The following OR6C75 variants were observed in gnomAD, a reference collection of about 807,000 sequenced individuals.
OR6C75 encodes the protein olfactory receptor family 6 subfamily C member 75.
For missense variants in OR6C75, 380 were observed against 368.0 expected (o/e 1.03, Z -0.27); for synonymous variants, 149 against 130.6 (o/e 1.14, Z -0.96).
chr12:55,364,847 T>C, intron 2 of OR6C75, 29 bp from the exon 3 acceptor site: 1 of 347,698 alleles, frequency 2.9e-6, no homozygotes, highest in South Asian at 5.9e-5. Context: ...CCTTTGAAGA[T>C]ATTGAATATA....
rs1869863648 is a variant in OR6C75, at chr12:55,368,908, A to G, written c.*2859A>G. The G allele has an allele frequency of 6.6e-6, 1 of 152,158 alleles. No individual in the cohort carries two copies. The highest frequency in any genetic ancestry group is 1.5e-5 in the Non-Finnish European group (1 of 68,014). 9.4% of individuals were successfully genotyped at this position (152,158 alleles called of 1,614,324 possible). A position where few individuals can be genotyped will look rare whatever the true frequency, so the allele number is the denominator to read the frequency against. ...CAGATTATAATATAATATCATCACA[A>G]AATGAAAATTACATGATAATGATTA... On this transcript the variant is annotated 3_prime_UTR_variant, in exon 3 of 3. Transcript: ENST00000641576.
In OR6C75 at chr12:55,366,152, A is replaced by G; in HGVS notation, c.*103A>G. ...TCTAAACACCTTATTTCACACTTTT[A>G]GTTAGACATAGTTACATATCATCAA... is the stretch of plus-strand genomic sequence containing the variant. On this transcript the variant is annotated 3_prime_UTR_variant, in exon 3 of 3. Transcript: ENST00000641576. 1 of 652,688 alleles carries G rather than the reference A, an allele frequency of 1.5e-6. No individual in the cohort carries two copies. The highest frequency in any genetic ancestry group is 2.6e-6 in the Non-Finnish European group (1 of 392,068). 40.4% of individuals were successfully genotyped at this position (652,688 alleles called of 1,614,324 possible). A position where few individuals can be genotyped will look rare whatever the true frequency, so the allele number is the denominator to read the frequency against.
chr12:55,363,575 A>G (rs902608801), intron 1 of OR6C75, among the ~76,000 whole-genome samples: 1 of 152,068 alleles, frequency 6.6e-6, no homozygotes, highest in Non-Finnish European at 1.5e-5. Flanking sequence ...AAAAATTTGA[A>G]TGAGGATGGA....
In OR6C75 at chr12:55,365,219, G is replaced by C; in HGVS notation, c.109G>C (p.Val37Leu). The C allele has an allele frequency of 6.2e-7, 1 of 1,612,678 alleles. No homozygotes were observed. The highest frequency in any genetic ancestry group is 8.5e-7 in the Non-Finnish European group (1 of 1,179,488). The change falls in exon 3 of 3, where the codon GTG becomes CTG. Residue 37 changes from valine (V) to leucine (L), a missense_variant. Val to Leu is a conservative substitution (Grantham distance 32). Coordinates refer to ENST00000641576, the MANE Select transcript of OR6C75 (RefSeq NM_001005497.2). ...IFLLVTYMLS[V>L]TGNLIIITLT... is the part of the protein sequence containing the mutation. ...TCTTCTTGTTACCTACATGTTAAGT[G>C]TGACTGGGAACCTGATCATTATCAC...
chr12:55,365,038 G>T lies in OR6C75; in HGVS notation c.-73G>T. On this transcript the variant is annotated 5_prime_UTR_variant, in exon 3 of 3. Transcript: ENST00000641576. ...AAAAAAAATAATAATTTTCTTTACTGGTGTCATAGTTTTCTGGTTTCTTCA... is the reference window on the plus strand; with the variant it reads ...AAAAAAAATAATAATTTTCTTTACTTGTGTCATAGTTTTCTGGTTTCTTCA... 1.1e-6 allele frequency: 1 copy of T among 942,718 alleles called. No individual in the cohort carries two copies. Among genetic ancestry groups the T allele is most frequent in the Non-Finnish European group, 1.6e-6 (1 of 615,082 alleles). The allele number at this position is 942,718 out of a possible 1,614,324, so 58.4% of individuals were successfully genotyped here.
rs758638737 is a variant in OR6C75, at chr12:55,365,763, A to T, written c.653A>T (p.Asn218Ile). The change falls in exon 3 of 3, where the codon AAC (asparagine) becomes ATC (isoleucine). Residue 218 changes from asparagine to isoleucine, a missense_variant. Transcript: ENST00000641576. ...ACATTAGTTATTCTCTCCTACACAA[A>T]CATCATCCGGACAATTCTGAAAATT... ...TLTLVILSYT[N>I]IIRTILKIPS... is the part of the protein sequence containing the mutation. 8.1e-6 allele frequency: 13 copies of T among 1,613,804 alleles called. No homozygotes were observed. The Admixed American group carries it at 2.2e-4, about 27-fold the overall frequency.
At position 55,366,147 on chromosome 12, in the gene OR6C75, C is replaced by G. The variant is rs1869800381; in HGVS notation, c.*98C>G. On this transcript the variant is annotated 3_prime_UTR_variant, in exon 3 of 3. Transcript: ENST00000641576. ...CTCTTTCTAAACACCTTATTTCACA[C>G]TTTTAGTTAGACATAGTTACATATC... 6 of 692,576 alleles carry G rather than the reference C, an allele frequency of 8.7e-6. No individual in the cohort carries two copies. The highest frequency in any genetic ancestry group is 1.4e-5 in the Non-Finnish European group (6 of 425,734). 42.9% of individuals were successfully genotyped at this position (692,576 alleles called of 1,614,324 possible). A position where few individuals can be genotyped will look rare whatever the true frequency, so the allele number is the denominator to read the frequency against.
chr12:55,364,611 G>A (rs2120543617), intron 2 of OR6C75, among the ~76,000 whole-genome samples: 1 of 152,096 alleles, frequency 6.6e-6, no homozygotes, highest in Non-Finnish European at 1.5e-5. Flanking sequence ...ACAGGCATGA[G>A]CCACTGCGCC....
Position 55,366,425 on chromosome 12 carries a change from G to C in OR6C75, c.*376G>C, listed in dbSNP as rs543717307. ...GTGCACATGTACCTTAAAACTTAAA[G>C]TATAATAAAAAATAATAATAAAATA... On this transcript the variant is annotated 3_prime_UTR_variant, in exon 3 of 3. Coordinates refer to ENST00000641576, the MANE Select transcript of OR6C75 (RefSeq NM_001005497.2). The C allele has an allele frequency of 6.6e-6, 1 of 152,304 alleles. No homozygotes were observed. Among genetic ancestry groups the C allele is most frequent in the African/African-American group, 2.4e-5 (1 of 41,484 alleles). The allele number at this position is 152,304 out of a possible 1,614,324, so 9.4% of individuals were successfully genotyped here. A position where few individuals can be genotyped will look rare whatever the true frequency, so the allele number is the denominator to read the frequency against.
In OR6C75 at chr12:55,365,571, T is replaced by C. The variant is rs745455984; in HGVS notation, c.461T>C (p.Ile154Thr). Residue 154 changes from isoleucine (I) to threonine (T), a missense_variant, in exon 3 of 3, where the codon ATC becomes ACC. Transcript: ENST00000641576. Reference protein sequence around the residue: ...FSSWLAGFLIIFPPVMLLLQL... With the variant: ...FSSWLAGFLITFPPVMLLLQL... ...TCCTGGCTTGCAGGGTTTCTGATCA[T>C]CTTTCCACCAGTAATGCTTCTGCTG... is the stretch of plus-strand genomic sequence containing the variant. The C allele has an allele frequency of 5.0e-6, 8 of 1,614,108 alleles. No homozygotes were observed. The highest frequency in any genetic ancestry group is 6.8e-6 in the Non-Finnish European group (8 of 1,180,016).
intron 2 of OR6C75, 65 bp from the exon 3 acceptor site, chr12:55,364,811 C>T (rs944291270): frequency 7.2e-5 from 19 of 263,662 alleles, no homozygotes; most frequent in African/African-American, 4.3e-4. Context: ...TAGATTTATT[C>T]ATCGTACATA....
chr12:55,365,877 T>G lies in OR6C75; in HGVS notation c.767T>G (p.Met256Arg). The G allele has an allele frequency of 1.2e-6, 2 of 1,614,012 alleles. No homozygotes were observed. Among genetic ancestry groups the G allele is most frequent in the Non-Finnish European group, 1.7e-6 (2 of 1,180,002 alleles). The stretch of plus-strand genomic sequence containing the variant: ...ATCTCTTACAGTAGCTGTATCTTCA[T>G]GTACATTAAGACTTCTGCCAGAGAA... ...VSISYSSCIF[M>R]YIKTSARERV... The change falls in exon 3 of 3, where the codon ATG (methionine) becomes AGG (arginine). Residue 256 changes from methionine to arginine, a missense_variant. Coordinates refer to ENST00000641576, the MANE Select transcript of OR6C75 (RefSeq NM_001005497.2).
chr12:55,365,299 C>A lies in OR6C75; in HGVS notation c.189C>A (p.Asn63Lys). 1.2e-6 allele frequency: 2 copies of A among 1,614,044 alleles called. No individual in the cohort carries two copies. Among genetic ancestry groups the A allele is most frequent in the South Asian group, 2.2e-5 (2 of 91,048 alleles). Residue 63 changes from asparagine to lysine, a missense_variant, in exon 3 of 3, where the codon AAC becomes AAA. By Grantham distance (94) the Asn-to-Lys change is moderately conservative (BLOSUM62 0). Coordinates refer to ENST00000641576, the MANE Select transcript of OR6C75 (RefSeq NM_001005497.2). ...LQTPMYFFLR[N>K]FSFLEISFTS... ...CTCCCATGTATTTCTTCCTTCGGAA[C>A]TTCTCATTCCTGGAAATTTCATTCA...
Position 55,367,190 on chromosome 12 carries a change from C to G in OR6C75, c.*1141C>G, listed in dbSNP as rs1029391693. Reference sequence around the variant, plus strand: ...AATGACTTTTAGAGGTATTTGAGAACTGTAAAAAATGTGTTCAAGCCCACT... The same window carrying G: ...AATGACTTTTAGAGGTATTTGAGAAGTGTAAAAAATGTGTTCAAGCCCACT... On this transcript the variant is annotated 3_prime_UTR_variant, in exon 3 of 3. Transcript: ENST00000641576. The G allele has an allele frequency of 6.6e-6, 1 of 152,112 alleles. No individual in the cohort carries two copies. Among genetic ancestry groups the G allele is most frequent in the African/African-American group, 2.4e-5 (1 of 41,424 alleles). 9.4% of individuals were successfully genotyped at this position (152,112 alleles called of 1,614,324 possible).
At chr12:55,363,334 T>C (rs1328713138) in intron 1 of OR6C75, among the ~76,000 whole-genome samples, 1 of 152,172 alleles carries the variant, frequency 6.6e-6, no homozygotes. Flanking sequence ...TTTTCAGGAA[T>C]ATAATTTTTG....
Position 55,365,034 on chromosome 12 carries a change from T to C in OR6C75, c.-77T>C, listed in dbSNP as rs1869761404. Reference sequence around the variant, plus strand: ...ACAGAAAAAAAATAATAATTTTCTTTACTGGTGTCATAGTTTTCTGGTTTC... The same window carrying C: ...ACAGAAAAAAAATAATAATTTTCTTCACTGGTGTCATAGTTTTCTGGTTTC... On this transcript the variant is annotated 5_prime_UTR_variant, in exon 3 of 3. Transcript: ENST00000641576. The C allele has an allele frequency of 7.6e-6, 7 of 919,430 alleles. No individual in the cohort carries two copies. The highest frequency in any genetic ancestry group is 3.1e-5 in the South Asian group (2 of 65,118). The allele number at this position is 919,430 out of a possible 1,614,324, so 57.0% of individuals were successfully genotyped here. A position where few individuals can be genotyped will look rare whatever the true frequency, so the allele number is the denominator to read the frequency against.
chr12:55,367,912 A>C lies in OR6C75; in HGVS notation c.*1863A>C, dbSNP rs899338557. The C allele has an allele frequency of 6.6e-6, 1 of 152,272 alleles. No homozygotes were observed. Among genetic ancestry groups the C allele is most frequent in the Non-Finnish European group, 1.5e-5 (1 of 68,092 alleles). 9.4% of individuals were successfully genotyped at this position (152,272 alleles called of 1,614,324 possible). On this transcript the variant is annotated 3_prime_UTR_variant, in exon 3 of 3. Coordinates refer to ENST00000641576, the MANE Select transcript of OR6C75 (RefSeq NM_001005497.2). ...CAATCTTGGCTGGGTGTGGTGGCTC[A>C]TGCCCGAAATCTCAGCACTTTGGGA...
At position 55,368,418 on chromosome 12, in the gene OR6C75, T is replaced by A. The variant is rs930928255; in HGVS notation, c.*2369T>A. Reference sequence around the variant, plus strand: ...TTCAAGACAAGTCTGAGCAACATGGTGAAACCCCAATCTCTACAAAAAATA... The same window carrying A: ...TTCAAGACAAGTCTGAGCAACATGGAGAAACCCCAATCTCTACAAAAAATA... On this transcript the variant is annotated 3_prime_UTR_variant, in exon 3 of 3. Transcript: ENST00000641576. 5.9e-5 allele frequency: 9 copies of A among 152,004 alleles called. No individual in the cohort carries two copies. The highest frequency in any genetic ancestry group is 1.3e-4 in the Non-Finnish European group (9 of 68,024). The allele number at this position is 152,004 out of a possible 1,614,324, so 9.4% of individuals were successfully genotyped here. A position where few individuals can be genotyped will look rare whatever the true frequency, so the allele number is the denominator to read the frequency against.
In OR6C75 at chr12:55,366,242, C is replaced by T. The variant is rs781052217; in HGVS notation, c.*193C>T. On this transcript the variant is annotated 3_prime_UTR_variant, in exon 3 of 3. Coordinates refer to ENST00000641576, the MANE Select transcript of OR6C75 (RefSeq NM_001005497.2). ...TCTTCTAAACTATATAGAAAGTGTT[C>T]GCTCTCTCACCTATGTAACTAAATT... 5.9e-5 allele frequency: 27 copies of T among 460,380 alleles called. No individual in the cohort carries two copies. Among genetic ancestry groups the T allele is most frequent in the Non-Finnish European group, 9.9e-5 (26 of 261,968 alleles). 28.5% of individuals were successfully genotyped at this position (460,380 alleles called of 1,614,324 possible). A position where few individuals can be genotyped will look rare whatever the true frequency, so the allele number is the denominator to read the frequency against.
Sources: gnomAD v4.1 joint callset for allele counts (sites outside exome capture counted in the v4.1 genomes callset) on GRCh38, gnomAD v4.1.1 for gene constraint, MANE v1.5 for transcripts, NCBI Gene and HGNC (gene_info 2026-07-23, HGNC 2026-07-21) for gene names.